The following FBXW10B variants were observed in gnomAD, a reference collection of about 807,000 sequenced individuals.
FBXW10B encodes the protein F-box and WD repeat domain containing protein 10B.
the FBXW10B span, among the ~76,000 whole-genome samples, chr17:15,568,340 A>C: frequency 6.6e-6 from 1 of 151,638 alleles, no homozygotes; most frequent in Non-Finnish European, 1.5e-5. Context: ...TGAGTCATGA[A>C]GCACCTCATA....
chr17:15,612,333 C>T, the FBXW10B span, among the ~76,000 whole-genome samples: 1 of 151,758 alleles, frequency 6.6e-6, no homozygotes, highest in African/African-American at 2.4e-5. Context: ...CGGTGAAACC[C>T]CGCCTCTACT....
the FBXW10B span, among the ~76,000 whole-genome samples, chr17:15,601,858 A>C: frequency 6.6e-6 from 1 of 152,216 alleles, no homozygotes; most frequent in South Asian, 2.1e-4. Context: ...CATGCCTGTA[A>C]TCCCAGCACT....
the FBXW10B span, chr17:15,566,437 T>C: frequency 1.7e-5 from 21 of 1,247,418 alleles, 1 homozygote; most frequent in African/African-American, 3.6e-5. Flanking sequence ...TACTTGGGCA[T>C]TCAAACTTCG....
chr17:15,593,251 T>C, the FBXW10B span: 19 of 1,599,680 alleles, frequency 1.2e-5, no homozygotes, highest in African/African-American at 2.7e-5. Context: ...TGACAGCAAA[T>C]CCAGGGCTGG....
At chr17:15,600,295 G>A in the FBXW10B span, among the ~76,000 whole-genome samples, 88 of 149,476 alleles carry the variant, frequency 5.9e-4, no homozygotes, top group African/African-American at 2.1e-3. Context: ...TGTCTTTGTA[G>A]TTTTTTGGAT....
At chr17:15,617,500 A>T in the FBXW10B span, among the ~76,000 whole-genome samples, 1 of 152,098 alleles carries the variant, frequency 6.6e-6, no homozygotes. Flanking sequence ...GTCCCCTCCA[A>T]ATCTCATGTT....
At chr17:15,611,876 G>A in the FBXW10B span, among the ~76,000 whole-genome samples, 1 of 152,204 alleles carries the variant, frequency 6.6e-6, no homozygotes, top group Non-Finnish European at 1.5e-5. Context: ...CCAAGAACTA[G>A]TGGAAAGGGC....
the FBXW10B span, among the ~76,000 whole-genome samples, chr17:15,613,277 G>A: frequency 1.3e-5 from 2 of 150,194 alleles, no homozygotes; most frequent in Non-Finnish European, 2.9e-5. Flanking sequence ...TGAGGTTGAT[G>A]CAGAGACACA....
At chr17:15,594,954 C>G in the FBXW10B span, 56 of 1,600,394 alleles carry the variant, frequency 3.5e-5, no homozygotes, top group Middle Eastern at 1.7e-4. Flanking sequence ...CAAAGCTGAG[C>G]CTTCTTCAGA....
the FBXW10B span, among the ~76,000 whole-genome samples, chr17:15,599,891 C>T: frequency 2.6e-5 from 4 of 151,994 alleles, no homozygotes; most frequent in South Asian, 2.1e-4. Context: ...TACCACTTAC[C>T]TCAGTTTCTT....
the FBXW10B span, chr17:15,613,733 T>C: frequency 6.2e-7 from 1 of 1,612,310 alleles, no homozygotes. Flanking sequence ...GGTGTGTCTA[T>C]CCAGCATTCC....
the FBXW10B span, among the ~76,000 whole-genome samples, chr17:15,608,201 A>G: frequency 0.14 from 18,538 of 128,468 alleles, 1,408 homozygotes; most frequent in East Asian, 0.35. Context: ...TCGCTCTGTC[A>G]CCAGGCTGGA....
chr17:15,571,998 T>C, the FBXW10B span: 1 of 151,834 alleles, frequency 6.6e-6, no homozygotes, highest in East Asian at 1.9e-4. Flanking sequence ...CAGGAGGGAA[T>C]TGGCTACAGA....
At chr17:15,614,812 C>A in the FBXW10B span, among the ~76,000 whole-genome samples, 1 of 152,128 alleles carries the variant, frequency 6.6e-6, no homozygotes, top group African/African-American at 2.4e-5. Flanking sequence ...TATTGTGTTT[C>A]CGATGATATT....
chr17:15,581,332 A>G, the FBXW10B span, among the ~76,000 whole-genome samples: 1 of 152,258 alleles, frequency 6.6e-6, no homozygotes, highest in South Asian at 2.1e-4. Context: ...CAGATGGAAT[A>G]GTAGAGCTCA....
chr17:15,604,370 G>C, the FBXW10B span, among the ~76,000 whole-genome samples: 1 of 152,018 alleles, frequency 6.6e-6, no homozygotes, highest in African/African-American at 2.4e-5. Context: ...GAAATGCAAG[G>C]GAATCATTAG....
At chr17:15,588,989 A>G in the FBXW10B span, 14 of 1,612,720 alleles carry the variant, frequency 8.7e-6, no homozygotes, top group Non-Finnish European at 1.1e-5. Flanking sequence ...ACACCACTGA[A>G]AAGGATCAGC....
At chr17:15,612,777 G>A in the FBXW10B span, 1 of 1,613,516 alleles carries the variant, frequency 6.2e-7, no homozygotes, top group Non-Finnish European at 8.5e-7. Flanking sequence ...AACTGGGATA[G>A]AAACCTTATT....
the FBXW10B span, among the ~76,000 whole-genome samples, chr17:15,616,293 G>A: frequency 4.0e-5 from 6 of 151,864 alleles, no homozygotes; most frequent in African/African-American, 1.5e-4. Context: ...TCCTGCCTCA[G>A]CCTCCCAAGT....
Sources: gnomAD v4.1 joint callset for allele counts (sites outside exome capture counted in the v4.1 genomes callset) on GRCh38, gnomAD v4.1.1 for gene constraint, MANE v1.5 for transcripts, NCBI Gene and HGNC (gene_info 2026-07-23, HGNC 2026-07-21) for gene names.